NF1: variants seen among roughly 807,000 people sequenced by gnomAD.
The protein encoded by NF1 is neurofibromin 1.
In NF1, 122 loss-of-function variants were observed where a neutral mutation model predicts 325.7. The observed-to-expected ratio is 0.37, with a 90% CI of 0.32 to 0.44. The LOEUF is 0.44. Ranked by LOEUF, NF1 falls within the 20% of genes least tolerant of loss-of-function variation. The pLI is 1.00. For missense variants in NF1, 2,140 were observed against 3,415.4 expected (o/e 0.63, Z 9.31); for synonymous variants, 1,091 against 1,186.0 (o/e 0.92, Z 1.65).
intron 31 of NF1, among the ~76,000 whole-genome samples, chr17:31,256,169 G>C (rs1217394166): frequency 6.6e-6 from 1 of 151,956 alleles, no homozygotes. Context: ...TTTTGAGACA[G>C]TCTCTCTGTC....
intron 11 of NF1, among the ~76,000 whole-genome samples, chr17:31,202,555 C>T (rs2066549242): frequency 6.6e-6 from 1 of 152,094 alleles, no homozygotes; most frequent in Admixed American, 6.6e-5. Context: ...CTTTGTTGTG[C>T]AGGATGCCTT....
intron 36 of NF1, among the ~76,000 whole-genome samples, chr17:31,277,692 T>G (rs753705641): frequency 8.5e-5 from 13 of 152,158 alleles, no homozygotes; most frequent in Non-Finnish European, 1.3e-4. Flanking sequence ...TATATATTTT[T>G]GGCTCCGTTT....
At chr17:31,137,558 T>A (rs2143507580) in intron 1 of NF1, 1 of 152,362 alleles carries the variant, frequency 6.6e-6, no homozygotes, top group African/African-American at 2.4e-5. Flanking sequence ...CCTCCCATGC[T>A]AGTGTTTAGA....
intron 20 of NF1, 134 bp downstream of exon 20, chr17:31,227,740 A>G (rs1207571699): frequency 2.6e-6 from 2 of 783,892 alleles, no homozygotes; most frequent in African/African-American, 1.7e-5. Flanking sequence ...GTTGTGGTTT[A>G]TCTAGACCTG....
intron 8 of NF1, among the ~76,000 whole-genome samples, chr17:31,187,299 A>G (rs2066258465): frequency 6.6e-6 from 1 of 152,150 alleles, no homozygotes; most frequent in Admixed American, 6.5e-5. Flanking sequence ...CCCAGGTTCA[A>G]GCGATTCTCC....
chr17:31,118,421 C>T (rs1245645307), intron 1 of NF1, among the ~76,000 whole-genome samples: 1 of 151,990 alleles, frequency 6.6e-6, no homozygotes, highest in Non-Finnish European at 1.5e-5. Flanking sequence ...AGGTATTTCT[C>T]CTAATGCTAT....
chr17:31,293,825 C>T (rs932839777), intron 36 of NF1, among the ~76,000 whole-genome samples: 4 of 152,198 alleles, frequency 2.6e-5, no homozygotes, highest in Non-Finnish European at 5.9e-5. Context: ...TTCAGGACTT[C>T]TTTTGCTGCC....
In NF1 at chr17:31,171,206, T is replaced by A. The variant is rs17885604; in HGVS notation, c.586+1209T>A. ...ATTGTGAAACCAAGCAACAATTAATTCAGTAACTTTAATAAAGGAAAATAT... is the reference window on the plus strand; with the variant it reads ...ATTGTGAAACCAAGCAACAATTAATACAGTAACTTTAATAAAGGAAAATAT... On this transcript the variant is annotated intron_variant, in intron 5 of 57. Coordinates refer to ENST00000358273, the MANE Select transcript of NF1 (RefSeq NM_001042492.3). Among the ~76,000 whole-genome samples, 565 of 152,302 alleles carry A rather than the reference T, an allele frequency of 3.7e-3. 6 individuals are homozygous for A. The highest frequency in any genetic ancestry group is 0.013 in the African/African-American group (537 of 41,582).
chr17:31,112,023 C>G (rs1350088546), intron 1 of NF1, among the ~76,000 whole-genome samples: 1 of 152,070 alleles, frequency 6.6e-6, no homozygotes, highest in Non-Finnish European at 1.5e-5. Flanking sequence ...TACATATAAG[C>G]CTTTGATACC....
At chr17:31,164,630 T>C (rs2065816325) in intron 4 of NF1, among the ~76,000 whole-genome samples, 1 of 152,216 alleles carries the variant, frequency 6.6e-6, no homozygotes, top group South Asian at 2.1e-4. Context: ...CTTTGTTGTT[T>C]TCCAGCAGGT....
Position 31,344,083 on chromosome 17 carries a change from C to T in NF1, c.7189+948C>T, listed in dbSNP as rs546679938. ...TCAAAATGAAACAGACTGCAAATCACTAAGTGTTATTTGAATAATTTATAT... is the reference window on the plus strand; with the variant it reads ...TCAAAATGAAACAGACTGCAAATCATTAAGTGTTATTTGAATAATTTATAT... On this transcript the variant is annotated intron_variant, in intron 48 of 57. Coordinates refer to ENST00000358273, the MANE Select transcript of NF1 (RefSeq NM_001042492.3). Among the ~76,000 whole-genome samples, 36 of 152,130 alleles carry T rather than the reference C, an allele frequency of 2.4e-4. 1 individual carries two copies. The South Asian group carries it at 7.3e-3, about 31-fold the overall frequency.
At chr17:31,255,630 A>G (rs1461736152) in intron 31 of NF1, among the ~76,000 whole-genome samples, 6 of 152,176 alleles carry the variant, frequency 3.9e-5, no homozygotes, top group Admixed American at 3.9e-4. Flanking sequence ...GGAAGATGGT[A>G]AAAGTGTAGT....
intron 12 of NF1, among the ~76,000 whole-genome samples, chr17:31,211,797 T>C (rs1597695396): frequency 6.6e-6 from 1 of 152,194 alleles, no homozygotes; most frequent in East Asian, 1.9e-4. Context: ...GACTGGAAGT[T>C]GCTGTGGGTG....
At chr17:31,213,833 A>C (rs2066772658) in intron 12 of NF1, among the ~76,000 whole-genome samples, 1 of 152,200 alleles carries the variant, frequency 6.6e-6, no homozygotes, top group Admixed American at 6.5e-5. Flanking sequence ...CGAAGGAAAA[A>C]GCAAATTTTA....
chr17:31,145,367 A>G (rs1916514989), intron 1 of NF1, among the ~76,000 whole-genome samples: 1 of 151,900 alleles, frequency 6.6e-6, no homozygotes, highest in African/African-American at 2.4e-5. Context: ...TAATTTTTGT[A>G]TTTTTGGGTT....
At chr17:31,175,665 A>T (rs2066009577) in intron 5 of NF1, among the ~76,000 whole-genome samples, 1 of 151,934 alleles carries the variant, frequency 6.6e-6, no homozygotes, top group African/African-American at 2.4e-5. Flanking sequence ...TCCTAATGCT[A>T]TCCCTTACCT....
intron 29 of NF1, among the ~76,000 whole-genome samples, chr17:31,242,234 CTGTT>C (rs1477321026): frequency 7.0e-6 from 1 of 143,756 alleles, no homozygotes; most frequent in Non-Finnish European, 1.5e-5. Flanking sequence ...TGGTTTAAAT[CTGTT>C]TGGTGTTCTG....
At chr17:31,107,855 T>C (rs943199278) in intron 1 of NF1, among the ~76,000 whole-genome samples, 1 of 152,128 alleles carries the variant, frequency 6.6e-6, no homozygotes, top group Non-Finnish European at 1.5e-5. Flanking sequence ...AATGCTGAGC[T>C]TGCTGGACAT....
Position 31,095,386 on chromosome 17 carries a change from G to A in NF1, c.60+17G>A, listed in dbSNP as rs2143146491. The A allele has an allele frequency of 1.3e-6, 2 of 1,538,190 alleles. No homozygotes were observed. Among genetic ancestry groups the A allele is most frequent in the Non-Finnish European group, 1.7e-6 (2 of 1,146,144 alleles). On this transcript the variant is annotated intron_variant, in intron 1 of 57. Coordinates refer to ENST00000358273, the MANE Select transcript of NF1 (RefSeq NM_001042492.3). Reference sequence around the variant, plus strand: ...GACGAGCAGGTAACCGGCCCGTGGCGGGCGGGAGGTGGGAGCGGAGTGGGG... The same window carrying A: ...GACGAGCAGGTAACCGGCCCGTGGCAGGCGGGAGGTGGGAGCGGAGTGGGG...
Sources: allele counts gnomAD v4.1 joint callset (sites outside exome capture counted in the v4.1 genomes callset), GRCh38; gene constraint gnomAD v4.1.1; transcripts MANE v1.5; gene names NCBI Gene and HGNC (gene_info 2026-07-23, HGNC 2026-07-21).